Variants in PIGK observed in about 807,000 individuals in gnomAD.
The protein encoded by PIGK is GPI-anchor transamidase.
A neutral mutation model predicts 50.6 loss-of-function variants in PIGK; 42 were observed. That is an observed-to-expected ratio of 0.83 (90% CI 0.65 to 1.07). The LOEUF (loss-of-function observed/expected upper bound fraction) is 1.07, where lower values mean the gene tolerates loss of function less well. Among genes scored for constraint, PIGK ranks in the 50% least tolerant of loss-of-function variants. The probability of loss-of-function intolerance (pLI) is 0.00; values close to 1 mark genes in which losing one functional copy is unlikely to be tolerated. For missense variants in PIGK, 448 were observed against 488.7 expected (o/e 0.92, Z 0.78); for synonymous variants, 151 against 156.0 (o/e 0.97, Z 0.24).
At chr1:77,168,733 A>G (rs902008736) in intron 4 of PIGK, among the ~76,000 whole-genome samples, 11 of 151,806 alleles carry the variant, frequency 7.2e-5, no homozygotes, top group Non-Finnish European at 1.5e-5. Flanking sequence ...TCATAAAAGA[A>G]GACTTCAAAT....
In PIGK at chr1:77,191,595, G is replaced by A. The variant is rs72992566; in HGVS notation, c.239+15045C>T. Among the ~76,000 whole-genome samples the A allele has an allele frequency of 3.5e-3, 536 of 152,268 alleles. 1 individual carries two copies. Among genetic ancestry groups the A allele is most frequent in the Middle Eastern group, 0.01 (3 of 294 alleles). ...ATGCCTTTTATGATACATTTCTAGC[G>A]TCAAATGGCAAGAAAATCAAAAGAT... On this transcript the variant is annotated intron_variant, in intron 3 of 10. Coordinates refer to ENST00000370812, the MANE Select transcript of PIGK (RefSeq NM_005482.3).
chr1:77,218,228 T>A (rs1570270515), intron 1 of PIGK, among the ~76,000 whole-genome samples: 1 of 152,334 alleles, frequency 6.6e-6, no homozygotes, highest in East Asian at 1.9e-4. Context: ...TGTATGCAAT[T>A]AATAAATATT....
At chr1:77,195,299 G>A (rs1381613691) in intron 3 of PIGK, 7 of 1,342,146 alleles carry the variant, frequency 5.2e-6, no homozygotes, top group Non-Finnish European at 7.4e-6. Flanking sequence ...AAAGGAGCAG[G>A]GAAGAAAGGC....
At chr1:77,169,460 T>C in intron 3 of PIGK, 65 bp from the exon 4 acceptor site, 2 of 1,315,876 alleles carry the variant, frequency 1.5e-6, no homozygotes, top group Non-Finnish European at 2.1e-6. Flanking sequence ...CACAAATTTA[T>C]TTATATCATG....
chr1:77,098,902 C>T (rs1464211065), intron 10 of PIGK, among the ~76,000 whole-genome samples: 3 of 152,092 alleles, frequency 2.0e-5, no homozygotes, highest in African/African-American at 7.2e-5. Flanking sequence ...GTATTTCTTT[C>T]TCTTCTTACA....
intron 3 of PIGK, among the ~76,000 whole-genome samples, chr1:77,171,406 C>CA: frequency 9.0e-6 from 1 of 111,178 alleles, no homozygotes; most frequent in East Asian, 2.7e-4. Context: ...CACTGCACTC[C>CA]AGCCTGGGCA....
intron 3 of PIGK, among the ~76,000 whole-genome samples, chr1:77,203,463 A>C (rs1485700148): frequency 2.0e-5 from 3 of 152,196 alleles, no homozygotes; most frequent in Non-Finnish European, 4.4e-5. Flanking sequence ...ACCTGCATGG[A>C]ACTTAGATAA....
chr1:77,184,642 A>G (rs1437092315), intron 3 of PIGK, among the ~76,000 whole-genome samples: 1 of 152,184 alleles, frequency 6.6e-6, no homozygotes, highest in Non-Finnish European at 1.5e-5. Context: ...CAGGTAATTA[A>G]TGGGGTTTTA....
At chr1:77,189,300 A>T (rs1655829368) in intron 3 of PIGK, among the ~76,000 whole-genome samples, 1 of 152,154 alleles carries the variant, frequency 6.6e-6, no homozygotes, top group Non-Finnish European at 1.5e-5. Flanking sequence ...TATGGGTTCA[A>T]GTTGACAAGG....
intron 10 of PIGK, among the ~76,000 whole-genome samples, chr1:77,103,346 G>A (rs1160739072): frequency 3.3e-5 from 5 of 152,102 alleles, no homozygotes; most frequent in African/African-American, 1.2e-4. Context: ...GTTCTTAACT[G>A]AGAAAAATAA....
At chr1:77,183,237 G>A (rs552045401) in intron 3 of PIGK, among the ~76,000 whole-genome samples, 1 of 152,314 alleles carries the variant, frequency 6.6e-6, no homozygotes, top group South Asian at 2.1e-4. Context: ...TGAAGCTGGG[G>A]TCACTGAGTT....
chr1:77,178,218 C>T (rs1455183761), intron 3 of PIGK, among the ~76,000 whole-genome samples: 1 of 152,202 alleles, frequency 6.6e-6, no homozygotes, highest in East Asian at 1.9e-4. Context: ...TACATTGCCT[C>T]ATAATCAGTC....
intron 9 of PIGK, among the ~76,000 whole-genome samples, chr1:77,124,769 T>C (rs1306889754): frequency 6.6e-6 from 1 of 152,146 alleles, no homozygotes; most frequent in Non-Finnish European, 1.5e-5. Flanking sequence ...GCAAATCATA[T>C]AACCAAAAAG....
intron 3 of PIGK, among the ~76,000 whole-genome samples, chr1:77,203,775 G>T (rs1282761084): frequency 1.3e-5 from 2 of 152,148 alleles, no homozygotes; most frequent in Non-Finnish European, 2.9e-5. Context: ...TCTTACACCT[G>T]TCTTTACTGC....
At chr1:77,196,752 T>G (rs1656047717) in intron 3 of PIGK, among the ~76,000 whole-genome samples, 2 of 152,196 alleles carry the variant, frequency 1.3e-5, no homozygotes, top group African/African-American at 4.8e-5. Context: ...AAATATTTTC[T>G]CCCACTCTGT....
intron 10 of PIGK, among the ~76,000 whole-genome samples, chr1:77,103,517 A>G (rs1178371554): frequency 1.3e-5 from 2 of 152,230 alleles, no homozygotes; most frequent in African/African-American, 2.4e-5. Context: ...AAAAGGTAAT[A>G]AACAATGGTT....
At chr1:77,159,221 C>T (rs1042653647) in intron 8 of PIGK, among the ~76,000 whole-genome samples, 1 of 152,098 alleles carries the variant, frequency 6.6e-6, no homozygotes, top group African/African-American at 2.4e-5. Flanking sequence ...GCAGCTTACA[C>T]ATGGTGTTAA....
intron 9 of PIGK, among the ~76,000 whole-genome samples, chr1:77,124,715 C>T (rs1044759077): frequency 6.6e-6 from 1 of 151,446 alleles, no homozygotes; most frequent in African/African-American, 2.4e-5. Flanking sequence ...TCAAAGGACA[C>T]AATCAGAATG....
intron 10 of PIGK, among the ~76,000 whole-genome samples, chr1:77,121,925 CAAT>C (rs1386353515): frequency 2.0e-5 from 3 of 152,142 alleles, no homozygotes; most frequent in Admixed American, 6.5e-5. Context: ...AAATTACTCT[CAAT>C]GATATTTTTG....
Sources: allele counts gnomAD v4.1 joint callset (sites outside exome capture counted in the v4.1 genomes callset), GRCh38; gene constraint gnomAD v4.1.1; transcripts MANE v1.5; gene names NCBI Gene and HGNC (gene_info 2026-07-23, HGNC 2026-07-21).